The following LRRC4C variants were observed in gnomAD, a reference collection of about 807,000 sequenced individuals.
LRRC4C encodes leucine rich repeat containing 4C.
In LRRC4C, 5 loss-of-function variants were observed where a neutral mutation model predicts 33.6. That is an observed-to-expected ratio of 0.15 (90% CI 0.08 to 0.31). LRRC4C has a LOEUF of 0.31. Ranked by LOEUF, LRRC4C falls within the 10% of genes least tolerant of loss-of-function variation. The pLI is 1.00. For synonymous variants in LRRC4C, 329 were observed against 302.0 expected, an observed-to-expected ratio of 1.09 and a Z score of -0.93; for missense variants, 560 against 796.7, an observed-to-expected ratio of 0.70 and a Z score of 3.58.
intron 1 of LRRC4C, among the ~76,000 whole-genome samples, chr11:41,411,140 C>CTCTTTTTTTTTTTTTT (rs1249968357): frequency 2.0e-5 from 1 of 49,918 alleles, no homozygotes; most frequent in Non-Finnish European, 3.2e-5. Flanking sequence ...GGTTGGTACC[C>CTCTTTTTTTTTTTTTT]TATTTTTTTT....
intron 1 of LRRC4C, among the ~76,000 whole-genome samples, chr11:41,067,667 AAACACT>A (rs1350936915): frequency 6.6e-6 from 1 of 152,210 alleles, no homozygotes; most frequent in Non-Finnish European, 1.5e-5. Context: ...ATTGGAAGTA[AAACACT>A]CCTCAGCAAA....
At chr11:40,703,879 T>C (rs747888189) in intron 2 of LRRC4C, among the ~76,000 whole-genome samples, 4 of 152,214 alleles carry the variant, frequency 2.6e-5, no homozygotes, top group Non-Finnish European at 4.4e-5. Flanking sequence ...TTGTGTGTTT[T>C]AGTAATTAAT....
chr11:40,676,388 T>G (rs1944403732), intron 2 of LRRC4C, among the ~76,000 whole-genome samples: 1 of 152,168 alleles, frequency 6.6e-6, no homozygotes. Context: ...ATCATCTAAT[T>G]TAACCTCCTA....
intron 2 of LRRC4C, among the ~76,000 whole-genome samples, chr11:40,802,039 T>C (rs930219253): frequency 2.0e-5 from 3 of 152,182 alleles, no homozygotes; most frequent in Non-Finnish European, 4.4e-5. Context: ...TTCATTTTCC[T>C]CTGTGCTCAC....
At chr11:40,423,339 C>CTTTTTTTTTTTTTTT (rs35819704) in intron 3 of LRRC4C, among the ~76,000 whole-genome samples, 1 of 90,932 alleles carries the variant, frequency 1.1e-5, no homozygotes, top group Non-Finnish European at 2.0e-5. Flanking sequence ...TGTTCATGTT[C>CTTTTTTTTTTTTTTT]TTTTTTTTTT....
chr11:40,654,685 A>G (rs1455904179), intron 2 of LRRC4C, among the ~76,000 whole-genome samples: 2 of 152,100 alleles, frequency 1.3e-5, no homozygotes, highest in Non-Finnish European at 2.9e-5. Flanking sequence ...CCGAATTAAG[A>G]CTTTGGGGGA....
At chr11:41,369,137 A>G (rs1193025474) in intron 1 of LRRC4C, among the ~76,000 whole-genome samples, 1 of 152,180 alleles carries the variant, frequency 6.6e-6, no homozygotes, top group Admixed American at 6.5e-5. Context: ...AAAAAACACA[A>G]TGAATAAGCT....
At chr11:41,290,495 A>C (rs1205074248) in intron 1 of LRRC4C, among the ~76,000 whole-genome samples, 1 of 152,194 alleles carries the variant, frequency 6.6e-6, no homozygotes, top group Non-Finnish European at 1.5e-5. Context: ...ACTGCATAGC[A>C]TTGACAATCG....
chr11:40,247,426 T>C (rs1385831764), intron 4 of LRRC4C, among the ~76,000 whole-genome samples: 1 of 152,192 alleles, frequency 6.6e-6, no homozygotes, highest in Non-Finnish European at 1.5e-5. Context: ...CGCAATGGGT[T>C]AAGTGAAAAG....
chr11:40,118,049 T>C (rs964698043), intron 6 of LRRC4C, among the ~76,000 whole-genome samples: 10 of 148,808 alleles, frequency 6.7e-5, no homozygotes, highest in African/African-American at 2.2e-4. Context: ...AATTTCATTA[T>C]AAATAGTAGT....
intron 1 of LRRC4C, among the ~76,000 whole-genome samples, chr11:41,114,089 A>T (rs547082167): frequency 2.0e-4 from 31 of 152,170 alleles, no homozygotes; most frequent in African/African-American, 6.7e-4. Context: ...AAAATATAAC[A>T]ATTATTTATC....
intron 4 of LRRC4C, among the ~76,000 whole-genome samples, chr11:40,249,945 C>T (rs939826021): frequency 6.6e-6 from 1 of 150,642 alleles, no homozygotes; most frequent in Non-Finnish European, 1.5e-5. Context: ...TTTCAGGACC[C>T]TCTAAATTTA....
chr11:40,148,749 C>T (rs187268289), intron 5 of LRRC4C, among the ~76,000 whole-genome samples: 1 of 152,184 alleles, frequency 6.6e-6, no homozygotes, highest in Non-Finnish European at 1.5e-5. Flanking sequence ...TCATTAAATT[C>T]TTGCCTGTTC....
intron 1 of LRRC4C, among the ~76,000 whole-genome samples, chr11:41,098,103 C>G (rs1391448536): frequency 1.3e-5 from 2 of 152,046 alleles, no homozygotes; most frequent in Non-Finnish European, 2.9e-5. Flanking sequence ...ACATGACTCA[C>G]CCCTGGTTCA....
intron 1 of LRRC4C, among the ~76,000 whole-genome samples, chr11:41,234,662 C>G (rs1178259878): frequency 6.6e-6 from 1 of 152,010 alleles, no homozygotes; most frequent in Non-Finnish European, 1.5e-5. Context: ...GAATCATAAT[C>G]CGAATGGATG....
chr11:40,953,253 G>A (rs1006253962), intron 1 of LRRC4C, among the ~76,000 whole-genome samples: 20 of 151,844 alleles, frequency 1.3e-4, no homozygotes, highest in South Asian at 2.1e-4. Flanking sequence ...ATAATTATTC[G>A]ATCTGCAGAT....
intron 2 of LRRC4C, among the ~76,000 whole-genome samples, chr11:40,909,635 T>C (rs1026093339): frequency 3.9e-5 from 6 of 152,142 alleles, no homozygotes; most frequent in Non-Finnish European, 5.9e-5. Flanking sequence ...TATCTTCTCT[T>C]GATCAGTTAT....
At chr11:40,822,115 A>G (rs915686426) in intron 2 of LRRC4C, among the ~76,000 whole-genome samples, 1 of 151,590 alleles carries the variant, frequency 6.6e-6, no homozygotes, top group Non-Finnish European at 1.5e-5. Flanking sequence ...TATTCCTTCA[A>G]TCTATTTTTG....
intron 1 of LRRC4C, among the ~76,000 whole-genome samples, chr11:41,415,275 A>G (rs1262585545): frequency 6.6e-6 from 1 of 152,126 alleles, no homozygotes; most frequent in East Asian, 1.9e-4. Context: ...CCAGGTAGTT[A>G]TGGACGGGTG....
Sources: allele counts gnomAD v4.1 joint callset (sites outside exome capture counted in the v4.1 genomes callset), GRCh38; gene constraint gnomAD v4.1.1; transcripts MANE v1.5; gene names NCBI Gene and HGNC (gene_info 2026-07-23, HGNC 2026-07-21).